NRXN1: variants seen among roughly 807,000 people sequenced by gnomAD.
NRXN1 encodes neurexin-1.
A neutral mutation model predicts 150.9 loss-of-function variants in NRXN1; 39 were observed. The ratio of observed to expected loss-of-function variants is 0.26; its 90% CI spans 0.20 to 0.34. NRXN1 has a LOEUF of 0.34. Among genes scored for constraint, NRXN1 ranks in the 10% least tolerant of loss-of-function variants. The pLI, the probability that NRXN1 is intolerant of heterozygous loss-of-function variation, is 1.00. For synonymous variants in NRXN1, 924 were observed against 757.0 expected, an observed-to-expected ratio of 1.22 and a Z score of -3.62; for missense variants, 1,815 against 1,949.9, an observed-to-expected ratio of 0.93 and a Z score of 1.30.
chr2:50,057,928 T>C (rs959219148), intron 19 of NRXN1, among the ~76,000 whole-genome samples: 5 of 152,026 alleles, frequency 3.3e-5, no homozygotes, highest in African/African-American at 1.2e-4. Context: ...AAATTCCCCA[T>C]GTCACAAAAT....
intron 5 of NRXN1, among the ~76,000 whole-genome samples, chr2:50,879,980 G>A (rs1002409629): frequency 6.6e-6 from 1 of 151,820 alleles, no homozygotes; most frequent in Non-Finnish European, 1.5e-5. Context: ...TTTCAGCACT[G>A]AATTAAAGAT....
chr2:50,710,548 C>T (rs1288701504), intron 5 of NRXN1, among the ~76,000 whole-genome samples: 3 of 152,126 alleles, frequency 2.0e-5, no homozygotes, highest in African/African-American at 7.2e-5. Flanking sequence ...ATAGTTTGTT[C>T]TTTTGGACTA....
chr2:50,600,603 G>T (rs1389419844), intron 8 of NRXN1, among the ~76,000 whole-genome samples: 2 of 152,132 alleles, frequency 1.3e-5, no homozygotes, highest in East Asian at 3.8e-4. Flanking sequence ...GGGATTACAG[G>T]CATAAGCCAT....
intron 21 of NRXN1, among the ~76,000 whole-genome samples, chr2:49,977,166 A>T (rs1306694818): frequency 6.6e-6 from 1 of 152,210 alleles, no homozygotes; most frequent in Non-Finnish European, 1.5e-5. Context: ...CCTAAAAAAA[A>T]AATGAATTGG....
At chr2:50,925,372 A>G (rs1686708038) in intron 3 of NRXN1, among the ~76,000 whole-genome samples, 1 of 151,908 alleles carries the variant, frequency 6.6e-6, no homozygotes, top group Non-Finnish European at 1.5e-5. Flanking sequence ...TATTACAAAT[A>G]TACTTACCAG....
intron 21 of NRXN1, among the ~76,000 whole-genome samples, chr2:49,956,191 A>C (rs527643682): frequency 7.9e-5 from 12 of 152,158 alleles, no homozygotes; most frequent in Non-Finnish European, 1.8e-4. Context: ...AAATAGAAGT[A>C]ATTTGATAGG....
intron 2 of NRXN1, among the ~76,000 whole-genome samples, chr2:51,002,381 G>C (rs1700183716): frequency 6.6e-6 from 1 of 151,904 alleles, no homozygotes; most frequent in African/African-American, 2.4e-5. Flanking sequence ...TTCATCAAAT[G>C]ACATGCTTTC....
chr2:50,322,385 C>G (rs1418916991), intron 17 of NRXN1, among the ~76,000 whole-genome samples: 1 of 152,192 alleles, frequency 6.6e-6, no homozygotes, highest in African/African-American at 2.4e-5. Context: ...ATTCTGTTCA[C>G]TTCTGTATTA....
At chr2:50,766,354 G>A (rs1434092012) in intron 5 of NRXN1, among the ~76,000 whole-genome samples, 1 of 151,910 alleles carries the variant, frequency 6.6e-6, no homozygotes, top group African/African-American at 2.4e-5. Flanking sequence ...CACCTGAATT[G>A]CTTGCAAAAA....
chr2:50,024,394 G>A (rs145935176), intron 21 of NRXN1, among the ~76,000 whole-genome samples: 1 of 152,088 alleles, frequency 6.6e-6, no homozygotes, highest in African/African-American at 2.4e-5. Context: ...TAATAAAAAG[G>A]TTTCCCCTTG....
chr2:49,974,192 A>G (rs1390270383), intron 21 of NRXN1: 2 of 705,586 alleles, frequency 2.8e-6, no homozygotes, highest in Non-Finnish European at 5.3e-6. Context: ...GGGCGAGAAA[A>G]GACACAGAAA....
intron 17 of NRXN1, among the ~76,000 whole-genome samples, chr2:50,267,728 G>A (rs1391639100): frequency 6.6e-6 from 1 of 152,028 alleles, no homozygotes; most frequent in Non-Finnish European, 1.5e-5. Context: ...CCCTATTGAG[G>A]GTAAGCCAAA....
At chr2:50,634,218 T>A (rs1484725189) in intron 5 of NRXN1, among the ~76,000 whole-genome samples, 2 of 152,210 alleles carry the variant, frequency 1.3e-5, no homozygotes, top group Non-Finnish European at 2.9e-5. Flanking sequence ...CTCAAAAATA[T>A]AACTCTGTCT....
chr2:50,348,797 CA>C (rs975117426), intron 17 of NRXN1, among the ~76,000 whole-genome samples: 7 of 150,532 alleles, frequency 4.7e-5, no homozygotes, highest in African/African-American at 9.8e-5. Flanking sequence ...CCCTGATTTC[CA>C]AAAGATGATA....
intron 18 of NRXN1, among the ~76,000 whole-genome samples, chr2:50,136,794 T>C (rs1325533695): frequency 2.0e-5 from 3 of 152,252 alleles, no homozygotes; most frequent in East Asian, 3.8e-4. Context: ...ATTTATTTAT[T>C]TGTTATGGTC....
chr2:50,346,400 G>A lies in NRXN1; in HGVS notation c.3365-109430C>T, dbSNP rs766681317. ...TGGCAACTGACGCCCCCTTCCCGCGGGGCCCAGCCGCGCGACCAGGGCTGG... is the reference window on the plus strand; with the variant it reads ...TGGCAACTGACGCCCCCTTCCCGCGAGGCCCAGCCGCGCGACCAGGGCTGG... On this transcript the variant is annotated intron_variant, in intron 17 of 22. Transcript: ENST00000401669. This position sits in a 1 kb window ranked among gnomAD's most constrained non-coding sequence, Gnocchi z 5.0. Among the ~76,000 whole-genome samples, 1 of 152,128 alleles carries A rather than the reference G, an allele frequency of 6.6e-6. No homozygotes were observed. The highest frequency in any genetic ancestry group is 1.5e-5 in the Non-Finnish European group (1 of 68,016).
chr2:50,086,585 C>T (rs1698799783), intron 19 of NRXN1, among the ~76,000 whole-genome samples: 1 of 152,138 alleles, frequency 6.6e-6, no homozygotes, highest in African/African-American at 2.4e-5. Flanking sequence ...TCAAACTCGG[C>T]ATTTTGAAAG....
At chr2:50,367,908 T>A (rs2079710396) in intron 17 of NRXN1, among the ~76,000 whole-genome samples, 1 of 152,022 alleles carries the variant, frequency 6.6e-6, no homozygotes. Context: ...CAGTATTAAG[T>A]TTGATGTACA....
intron 17 of NRXN1, among the ~76,000 whole-genome samples, chr2:50,240,978 A>G (rs1041171176): frequency 1.3e-5 from 2 of 151,702 alleles, no homozygotes; most frequent in South Asian, 4.1e-4. Context: ...TTTCAAAGTT[A>G]TGTCCAAATC....
Sources: allele counts gnomAD v4.1 joint callset (sites outside exome capture counted in the v4.1 genomes callset), GRCh38; gene constraint gnomAD v4.1.1; non-coding constraint Gnocchi (gnomAD v3.1); transcripts MANE v1.5; gene names NCBI Gene and HGNC (gene_info 2026-07-23, HGNC 2026-07-21).